The following OXR1 variants were observed in gnomAD, a reference collection of about 807,000 sequenced individuals.
OXR1 encodes oxidation resistance 1, also known as oxidation resistance protein 1.
In OXR1, 41 loss-of-function variants were observed where a neutral mutation model predicts 104.6. That is an observed-to-expected ratio of 0.39 (90% CI 0.31 to 0.51). The LOEUF (loss-of-function observed/expected upper bound fraction) is 0.51, where lower values mean the gene tolerates loss of function less well. OXR1 is among the 20% of genes least tolerant of loss of function. OXR1 has a pLI of 0.77. For synonymous variants in OXR1, 348 were observed against 348.4 expected, an observed-to-expected ratio of 1.00 and a Z score of 0.01; for missense variants, 955 against 1,031.9, an observed-to-expected ratio of 0.93 and a Z score of 1.02.
chr8:106,469,634 A>G (rs1014022357), intron 2 of OXR1, among the ~76,000 whole-genome samples: 3 of 151,870 alleles, frequency 2.0e-5, no homozygotes, highest in African/African-American at 7.2e-5. Context: ...AGTCAAGTAA[A>G]TGGGCAGCTT....
chr8:106,421,230 G>C (rs1012662635), intron 2 of OXR1, among the ~76,000 whole-genome samples: 4 of 152,166 alleles, frequency 2.6e-5, no homozygotes, highest in African/African-American at 9.6e-5. Flanking sequence ...CACTAGTAAA[G>C]AATGCTGCTC....
chr8:106,548,742 A>G (rs1458247609), intron 3 of OXR1, among the ~76,000 whole-genome samples: 3 of 152,212 alleles, frequency 2.0e-5, no homozygotes, highest in Non-Finnish European at 4.4e-5. Context: ...TGCTCAGCAT[A>G]TTAGTGGGAT....
At chr8:106,598,085 G>A (rs942467948) in intron 3 of OXR1, among the ~76,000 whole-genome samples, 4 of 152,096 alleles carry the variant, frequency 2.6e-5, no homozygotes, top group Admixed American at 2.6e-4. Context: ...GCACCTCCTG[G>A]CCACTATAGT....
At chr8:106,631,085 T>A (rs1822645938) in intron 3 of OXR1, among the ~76,000 whole-genome samples, 1 of 152,004 alleles carries the variant, frequency 6.6e-6, no homozygotes. Context: ...AATATGTGAG[T>A]GGTTGAGAGA....
At chr8:106,599,823 G>C (rs1179133020) in intron 3 of OXR1, among the ~76,000 whole-genome samples, 1 of 152,182 alleles carries the variant, frequency 6.6e-6, no homozygotes, top group Admixed American at 6.5e-5. Flanking sequence ...AATTTTTCCA[G>C]GGACCTGGGG....
intron 2 of OXR1, among the ~76,000 whole-genome samples, chr8:106,427,330 CA>C (rs1346109277): frequency 2.6e-5 from 4 of 151,902 alleles, no homozygotes; most frequent in Non-Finnish European, 5.9e-5. Context: ...CCACGTCCGG[CA>C]AATTTTTTTG....
intron 1 of OXR1, among the ~76,000 whole-genome samples, chr8:106,359,031 T>A (rs2130335200): frequency 6.6e-6 from 1 of 150,748 alleles, no homozygotes; most frequent in South Asian, 2.1e-4. Flanking sequence ...TGATGGCAAC[T>A]TGTGTCATGG....
intron 11 of OXR1, among the ~76,000 whole-genome samples, chr8:106,726,667 AATT>A (rs1833373910): frequency 1.3e-5 from 2 of 152,162 alleles, no homozygotes; most frequent in Non-Finnish European, 2.9e-5. Context: ...AGAGTAAATT[AATT>A]ATTATTGACT....
chr8:106,301,203 G>A (rs1178583877), intron 1 of OXR1, among the ~76,000 whole-genome samples: 3 of 152,172 alleles, frequency 2.0e-5, no homozygotes, highest in East Asian at 3.9e-4. Context: ...AGCAGCGCTT[G>A]TCACTGATAG....
At chr8:106,462,437 T>C (rs997943765) in intron 2 of OXR1, among the ~76,000 whole-genome samples, 2 of 152,154 alleles carry the variant, frequency 1.3e-5, no homozygotes, top group African/African-American at 2.4e-5. Context: ...TACTCTACAA[T>C]TCCTGGGTGA....
intron 11 of OXR1, among the ~76,000 whole-genome samples, chr8:106,729,233 C>T (rs1169603157): frequency 6.6e-6 from 1 of 152,096 alleles, no homozygotes; most frequent in Non-Finnish European, 1.5e-5. Context: ...AGCAATCATA[C>T]TACAACTAGT....
At chr8:106,624,795 T>C (rs1822010781) in intron 3 of OXR1, among the ~76,000 whole-genome samples, 1 of 152,144 alleles carries the variant, frequency 6.6e-6, no homozygotes, top group Non-Finnish European at 1.5e-5. Flanking sequence ...GATGTTTGTT[T>C]TTGGTTTTGT....
At chr8:106,388,656 T>A (rs542447323) in intron 2 of OXR1, among the ~76,000 whole-genome samples, 1 of 152,264 alleles carries the variant, frequency 6.6e-6, no homozygotes, top group African/African-American at 2.4e-5. Flanking sequence ...ACTCCTGACC[T>A]TGTGATCCGC....
At chr8:106,481,342 A>G (rs1294292025) in intron 2 of OXR1, among the ~76,000 whole-genome samples, 2 of 152,030 alleles carry the variant, frequency 1.3e-5, no homozygotes, top group Non-Finnish European at 1.5e-5. Context: ...AAATCATACT[A>G]AAGAGTTTCA....
chr8:106,694,462 TATAA>T (rs1178224475), intron 7 of OXR1, among the ~76,000 whole-genome samples: 3 of 130,254 alleles, frequency 2.3e-5, no homozygotes, highest in Non-Finnish European at 4.7e-5. Flanking sequence ...ATATTTGATA[TATAA>T]ATATATTTAT....
chr8:106,448,073 T>G, intron 2 of OXR1: 2 of 1,535,558 alleles, frequency 1.3e-6, no homozygotes, highest in Non-Finnish European at 1.7e-6. Flanking sequence ...TCAGCCTCCA[T>G]CTGTTGTTAC....
intron 1 of OXR1, among the ~76,000 whole-genome samples, chr8:106,339,231 C>T (rs1815094692): frequency 1.3e-5 from 2 of 151,396 alleles, no homozygotes; most frequent in South Asian, 2.1e-4. Flanking sequence ...CGTGGTGGCT[C>T]ACGCCTGTAA....
rs116380640 is a variant in OXR1 at position 106,380,728 on chromosome 8, G to A, written c.23+21092G>A. 3.2e-3 allele frequency among the ~76,000 whole-genome samples: 491 copies of A among 152,208 alleles called. 1 individual carries two copies. The highest frequency in any genetic ancestry group is 0.011 in the African/African-American group (471 of 41,540). ...CTTCCCTGGTGATTAATGATGTGGA[G>A]CATTTTTCTTATGCTTATCGGCAAT... is the stretch of plus-strand genomic sequence containing the variant. On this transcript the variant is annotated intron_variant, in intron 2 of 16. Coordinates refer to ENST00000517566, the MANE Select transcript of OXR1 (RefSeq NM_001198533.2).
chr8:106,710,082 G>A (rs991477749), intron 9 of OXR1, among the ~76,000 whole-genome samples: 15 of 152,216 alleles, frequency 9.9e-5, no homozygotes, highest in East Asian at 3.9e-4. Context: ...GAAAGAGTTA[G>A]AACTAATTCG....
Sources: allele counts gnomAD v4.1 joint callset (sites outside exome capture counted in the v4.1 genomes callset), GRCh38; gene constraint gnomAD v4.1.1; transcripts MANE v1.5; gene names NCBI Gene and HGNC (gene_info 2026-07-23, HGNC 2026-07-21).